The following ANO2 variants were observed in gnomAD, a reference collection of about 807,000 sequenced individuals.
The protein encoded by ANO2 is anoctamin-2.
In ANO2, 101 loss-of-function variants were observed where a neutral mutation model predicts 124.2. That is an observed-to-expected ratio of 0.81 (90% CI 0.69 to 0.96). The LOEUF (loss-of-function observed/expected upper bound fraction) is 0.96, where lower values mean the gene tolerates loss of function less well. Ranked by LOEUF, ANO2 falls within the 40% of genes least tolerant of loss-of-function variation. The pLI is 0.00. For synonymous variants in ANO2, 486 were observed against 482.5 expected, an observed-to-expected ratio of 1.01 and a Z score of -0.09; for missense variants, 1,293 against 1,274.5, an observed-to-expected ratio of 1.01 and a Z score of -0.22.
intron 11 of ANO2, among the ~76,000 whole-genome samples, chr12:5,744,982 G>A (rs143193073): frequency 6.6e-6 from 1 of 152,344 alleles, no homozygotes; most frequent in East Asian, 1.9e-4. Context: ...GAATGAAAGA[G>A]CAAGGCAAAT....
chr12:5,833,782 G>T (rs1954231061), intron 4 of ANO2, among the ~76,000 whole-genome samples: 1 of 151,990 alleles, frequency 6.6e-6, no homozygotes, highest in Non-Finnish European at 1.5e-5. Flanking sequence ...ATCTGAAGTG[G>T]AACAGTTTCA....
intron 14 of ANO2, among the ~76,000 whole-genome samples, chr12:5,694,155 C>T (rs568834832): frequency 6.7e-6 from 1 of 150,330 alleles, no homozygotes. Flanking sequence ...TTCCAAAACT[C>T]TCCACTATAA....
chr12:5,596,846 C>T (rs754281544), intron 20 of ANO2, among the ~76,000 whole-genome samples: 71 of 152,306 alleles, frequency 4.7e-4, no homozygotes, highest in Admixed American at 7.2e-4. Context: ...CTTCTAAGCA[C>T]TGTATTAGCA....
intron 23 of ANO2, among the ~76,000 whole-genome samples, chr12:5,565,993 C>CCA (rs1171773653): frequency 1.3e-5 from 2 of 152,168 alleles, no homozygotes; most frequent in Non-Finnish European, 2.9e-5. Context: ...GCCAGTGGGT[C>CCA]CACCTGGGCC....
Position 5,831,787 on chromosome 12 carries a change from G to A in ANO2, c.785+665C>T, listed in dbSNP as rs544890212. Among the ~76,000 whole-genome samples the A allele has an allele frequency of 3.9e-5, 6 of 152,182 alleles. No individual in the cohort carries two copies. In the South Asian group the frequency reaches 1.2e-3, roughly 32 times the overall value. On this transcript the variant is annotated intron_variant, in intron 5 of 24. Transcript: ENST00000682330. ...TGTCCTCTCTGCCCTTCCATGCCCC[G>A]GCCTTTCCCTCTCTTGCTCCATTTT...
intron 1 of ANO2, among the ~76,000 whole-genome samples, chr12:5,933,952 A>G (rs1288518882): frequency 1.3e-5 from 2 of 152,208 alleles, no homozygotes; most frequent in Non-Finnish European, 2.9e-5. Context: ...GGATGCAATA[A>G]GAGCTCTAAA....
chr12:5,833,631 G>A (rs1249673513), intron 4 of ANO2, among the ~76,000 whole-genome samples: 1 of 152,206 alleles, frequency 6.6e-6, no homozygotes, highest in Non-Finnish European at 1.5e-5. Flanking sequence ...CGTGGTGGGT[G>A]AGCAAGCATT....
chr12:5,893,839 C>T (rs1169191222), intron 3 of ANO2, among the ~76,000 whole-genome samples: 1 of 152,164 alleles, frequency 6.6e-6, no homozygotes, highest in Non-Finnish European at 1.5e-5. Context: ...TTTATGGCTG[C>T]ATAGTATTCC....
At chr12:5,704,372 G>A (rs1161392386) in intron 14 of ANO2, among the ~76,000 whole-genome samples, 6 of 152,162 alleles carry the variant, frequency 3.9e-5, no homozygotes, top group Non-Finnish European at 5.9e-5. Flanking sequence ...ATGCGCCCTG[G>A]TGAGAGCAAC....
intron 1 of ANO2, among the ~76,000 whole-genome samples, chr12:5,942,844 C>A (rs534423962): frequency 8.5e-4 from 130 of 152,234 alleles, no homozygotes; most frequent in African/African-American, 3.0e-3. Context: ...AAATAGCCAA[C>A]AAACATATGA....
At chr12:5,858,459 A>G (rs1955173306) in intron 3 of ANO2, among the ~76,000 whole-genome samples, 1 of 152,226 alleles carries the variant, frequency 6.6e-6, no homozygotes, top group South Asian at 2.1e-4. Context: ...AGAGATTCAA[A>G]TAGAATCAGT....
At chr12:5,941,107 G>A (rs76149046) in intron 1 of ANO2, among the ~76,000 whole-genome samples, 2,371 of 152,230 alleles carry the variant, frequency 0.016, 46 homozygotes, top group Non-Finnish European at 0.026. Flanking sequence ...GGGGAGGGAG[G>A]AAAAATGAGC....
intron 20 of ANO2, among the ~76,000 whole-genome samples, chr12:5,596,049 A>G (rs1485799758): frequency 6.6e-6 from 1 of 152,244 alleles, no homozygotes; most frequent in African/African-American, 2.4e-5. Flanking sequence ...ACCTAATCAC[A>G]CCTATGTGAA....
chr12:5,581,302 T>G (rs1942744898), intron 20 of ANO2, among the ~76,000 whole-genome samples: 1 of 152,154 alleles, frequency 6.6e-6, no homozygotes, highest in South Asian at 2.1e-4. Context: ...AGCAGAAATG[T>G]GCAAACTCCC....
At chr12:5,855,411 T>C (rs749172627) in intron 3 of ANO2, among the ~76,000 whole-genome samples, 2 of 152,242 alleles carry the variant, frequency 1.3e-5, no homozygotes, top group African/African-American at 2.4e-5. Flanking sequence ...ACTATTTCTA[T>C]TATTCTTCAA....
chr12:5,608,221 G>A (rs1008662088), intron 19 of ANO2, among the ~76,000 whole-genome samples: 1 of 150,672 alleles, frequency 6.6e-6, no homozygotes, highest in Non-Finnish European at 1.5e-5. Context: ...TCCATGCCAG[G>A]TACTTCAACT....
At chr12:5,674,674 C>T (rs113214006) in intron 14 of ANO2, among the ~76,000 whole-genome samples, 9,397 of 152,268 alleles carry the variant, frequency 0.062, 299 homozygotes, top group South Asian at 0.11. Context: ...CAACACACTT[C>T]AGGTGGGCCA....
At chr12:5,657,686 A>G (rs1417731677) in intron 14 of ANO2, among the ~76,000 whole-genome samples, 1 of 152,088 alleles carries the variant, frequency 6.6e-6, no homozygotes, top group African/African-American at 2.4e-5. Context: ...GTCTCTGGTT[A>G]ATGAGCTTTA....
chr12:5,874,544 T>C (rs1342695338), intron 3 of ANO2, among the ~76,000 whole-genome samples: 1 of 152,238 alleles, frequency 6.6e-6, no homozygotes, highest in Non-Finnish European at 1.5e-5. Flanking sequence ...GCTCCTTGCT[T>C]GACTCTGTCC....
Sources: allele counts gnomAD v4.1 joint callset (sites outside exome capture counted in the v4.1 genomes callset), GRCh38; gene constraint gnomAD v4.1.1; transcripts MANE v1.5; gene names NCBI Gene and HGNC (gene_info 2026-07-23, HGNC 2026-07-21).